KCNU1: variants seen among roughly 807,000 people sequenced by gnomAD.
The protein encoded by KCNU1 is potassium channel subfamily U member 1.
In KCNU1, 93 loss-of-function variants were observed where a neutral mutation model predicts 126.8. The ratio of observed to expected loss-of-function variants is 0.73; its 90% CI spans 0.62 to 0.87. The LOEUF (loss-of-function observed/expected upper bound fraction) is 0.87. Among genes scored for constraint, KCNU1 ranks in the 40% least tolerant of loss-of-function variants. KCNU1 has a pLI of 0.00. For synonymous variants in KCNU1, 523 were observed against 494.2 expected, an observed-to-expected ratio of 1.06 and a Z score of -0.77; for missense variants, 1,330 against 1,367.1, an observed-to-expected ratio of 0.97 and a Z score of 0.43.
At chr8:36,865,558 G>A (rs376376099) in intron 19 of KCNU1, among the ~76,000 whole-genome samples, 331 of 150,792 alleles carry the variant, frequency 2.2e-3, no homozygotes, top group African/African-American at 7.7e-3. Context: ...TTGAGCCCAG[G>A]AGTTTAAGAC....
intron 22 of KCNU1, among the ~76,000 whole-genome samples, chr8:36,916,759 G>A (rs1319225395): frequency 1.3e-5 from 2 of 152,138 alleles, no homozygotes; most frequent in South Asian, 2.1e-4. Flanking sequence ...AAAATTTTGC[G>A]AAATTCTGGA....
At chr8:36,909,600 A>G in intron 21 of KCNU1, 65 bp downstream of exon 21, 4 of 914,494 alleles carry the variant, frequency 4.4e-6, no homozygotes, top group Non-Finnish European at 7.0e-6. Flanking sequence ...ACTAGAATTA[A>G]TAATGATAAT....
chr8:36,927,883 G>A (rs544718848), intron 24 of KCNU1, among the ~76,000 whole-genome samples: 2 of 149,184 alleles, frequency 1.3e-5, no homozygotes, highest in African/African-American at 4.9e-5. Flanking sequence ...ATTTTCTTGT[G>A]AAAGACAAGA....
chr8:36,834,793 C>T lies in KCNU1; in HGVS notation c.1220C>T (p.Ser407Phe). The T allele has an allele frequency of 1.2e-6, 2 of 1,608,514 alleles. No homozygotes were observed. The highest frequency in any genetic ancestry group is 1.7e-6 in the Non-Finnish European group (2 of 1,175,716). Residue 407 changes from serine to phenylalanine, a missense_variant, in exon 12 of 27, where the codon TCT (serine) becomes TTT (phenylalanine). This residue lies in a region of KCNU1 where 1,054 missense variants were observed against 1,053.9 expected (regional missense o/e 1.00). Coordinates refer to ENST00000399881, the MANE Select transcript of KCNU1 (RefSeq NM_001031836.3). The stretch of plus-strand genomic sequence containing the variant: ...TCCGATCTTGAAGGGTAGGTGGAAT[C>T]TGCAGAGGCATGCCTGATTATAGCC... ...WEDLRRVAVE[S>F]AEACLIIANP...
At chr8:36,914,613 C>G (rs896432319) in intron 22 of KCNU1, among the ~76,000 whole-genome samples, 1 of 152,160 alleles carries the variant, frequency 6.6e-6, no homozygotes, top group African/African-American at 2.4e-5. Context: ...TTTGGGGGAG[C>G]AGCAGAGTGA....
intron 19 of KCNU1, among the ~76,000 whole-genome samples, chr8:36,887,458 T>TG (rs911074647): frequency 4.7e-5 from 7 of 149,138 alleles, no homozygotes; most frequent in Non-Finnish European, 9.0e-5. Context: ...TTTTGTTTTT[T>TG]TTTTTTTTTT....
rs752197626 is a variant in KCNU1 at position 36,807,357 on chromosome 8, CT to C, written c.581-15del. ...ACCCTCTGATTTTGGCAGCTTTCTC[CT>C]TTCCATTGGTTTGTAGGTTTAAGGT... is the stretch of plus-strand genomic sequence containing the variant. On this transcript the variant is annotated splice_polypyrimidine_tract_variant and intron_variant, in intron 5 of 26. Coordinates refer to ENST00000399881, the MANE Select transcript of KCNU1 (RefSeq NM_001031836.3). 1.9e-6 allele frequency: 3 copies of C among 1,606,142 alleles called. No individual in the cohort carries two copies. In the South Asian group the frequency reaches 3.3e-5, roughly 18 times the overall value.
chr8:36,870,684 A>G (rs1247517715), intron 19 of KCNU1, among the ~76,000 whole-genome samples: 1 of 152,172 alleles, frequency 6.6e-6, no homozygotes, highest in Non-Finnish European at 1.5e-5. Context: ...CTTATTTTAT[A>G]TTAAGCTTTT....
intron 2 of KCNU1, among the ~76,000 whole-genome samples, chr8:36,799,496 G>C (rs1451718384): frequency 6.6e-6 from 1 of 151,398 alleles, no homozygotes; most frequent in Non-Finnish European, 1.5e-5. Context: ...TATCCTTTTA[G>C]AATGCCCATT....
chr8:36,865,306 A>G (rs190899097), intron 19 of KCNU1, among the ~76,000 whole-genome samples: 204 of 152,290 alleles, frequency 1.3e-3, no homozygotes, highest in African/African-American at 4.7e-3. Context: ...AAGTTCTTCA[A>G]AAAATTAAGA....
chr8:36,901,491 G>GCAACACGTTCTGCTCATGAGA (rs1403685102), intron 19 of KCNU1, among the ~76,000 whole-genome samples: 2 of 152,082 alleles, frequency 1.3e-5, no homozygotes, highest in African/African-American at 4.8e-5. Context: ...TGCTCATGAG[G>GCAACACGTTCTGCTCATGAGA]CAACACGTTC....
intron 2 of KCNU1, chr8:36,795,955 T>C (rs948163695): frequency 6.6e-6 from 1 of 152,238 alleles, no homozygotes; most frequent in Non-Finnish European, 1.5e-5. Flanking sequence ...GCCTTCACCA[T>C]GGAAACAGCT....
intron 18 of KCNU1, among the ~76,000 whole-genome samples, chr8:36,854,152 G>C (rs552085716): frequency 7.9e-5 from 12 of 152,178 alleles, no homozygotes; most frequent in African/African-American, 2.4e-4. Context: ...AAGACCCTCT[G>C]TCTTTGAGTC....
At chr8:36,811,997 G>A (rs1266456054) in intron 7 of KCNU1, among the ~76,000 whole-genome samples, 2 of 152,116 alleles carry the variant, frequency 1.3e-5, no homozygotes, top group Non-Finnish European at 2.9e-5. Context: ...CCGAGAGGCA[G>A]AGGTTGCAGT....
intron 10 of KCNU1, among the ~76,000 whole-genome samples, chr8:36,829,785 A>G (rs1804463152): frequency 6.6e-6 from 1 of 151,226 alleles, no homozygotes; most frequent in Non-Finnish European, 1.5e-5. Context: ...GTTCTCCTTT[A>G]GTACCCCTGA....
At chr8:36,806,100 T>G (rs926112944) in intron 4 of KCNU1, among the ~76,000 whole-genome samples, 169 bp from the exon 5 acceptor site, 38 of 152,162 alleles carry the variant, frequency 2.5e-4, no homozygotes, top group African/African-American at 9.2e-4. Flanking sequence ...TGCCTTGGCC[T>G]CCCAAAGCAT....
chr8:36,799,589 C>A (rs1427010133), intron 2 of KCNU1, among the ~76,000 whole-genome samples: 1 of 151,706 alleles, frequency 6.6e-6, no homozygotes, highest in Admixed American at 6.6e-5. Flanking sequence ...GGCTGGAGTG[C>A]AGTGGTGCAA....
intron 18 of KCNU1, among the ~76,000 whole-genome samples, chr8:36,846,230 T>G (rs993220601): frequency 2.0e-5 from 3 of 152,218 alleles, no homozygotes; most frequent in Admixed American, 1.3e-4. Flanking sequence ...TTTCATGATT[T>G]CACAGTTTTT....
chr8:36,846,722 A>G (rs1805161225), intron 18 of KCNU1, among the ~76,000 whole-genome samples: 1 of 149,254 alleles, frequency 6.7e-6, no homozygotes, highest in Admixed American at 6.8e-5. Flanking sequence ...AATTGCTTGA[A>G]CCTGGGAGGC....
Sources: allele counts gnomAD v4.1 joint callset (sites outside exome capture counted in the v4.1 genomes callset), GRCh38; gene constraint gnomAD v4.1.1; regional missense constraint gnomAD v4.1.1; transcripts MANE v1.5; gene names NCBI Gene and HGNC (gene_info 2026-07-23, HGNC 2026-07-21).